Variants in KCNT2 observed in about 807,000 individuals in gnomAD.
The protein encoded by KCNT2 is potassium sodium-activated channel subfamily T member 2.
In KCNT2, 67 loss-of-function variants were observed where a neutral mutation model predicts 153.8. The observed-to-expected ratio is 0.44, with a 90% CI of 0.36 to 0.53. The LOEUF (loss-of-function observed/expected upper bound fraction) is 0.53, where lower values mean the gene tolerates loss of function less well. Ranked by LOEUF, KCNT2 falls within the 20% of genes least tolerant of loss-of-function variation. KCNT2 has a pLI of 0.00. For synonymous variants in KCNT2, 500 were observed against 458.8 expected (o/e 1.09, Z -1.15); for missense variants, 975 against 1,354.8 (o/e 0.72, Z 4.40).
intron 14 of KCNT2, among the ~76,000 whole-genome samples, chr1:196,345,622 C>T (rs1666076291): frequency 6.6e-6 from 1 of 152,092 alleles, no homozygotes; most frequent in South Asian, 2.1e-4. Context: ...TATAAAATCC[C>T]TCTGGTCATT....
At chr1:196,381,709 A>T (rs889087457) in intron 13 of KCNT2, among the ~76,000 whole-genome samples, 2 of 152,186 alleles carry the variant, frequency 1.3e-5, no homozygotes, top group African/African-American at 4.8e-5. Flanking sequence ...AAAGATGACC[A>T]CTTGCTACCA....
intron 26 of KCNT2, among the ~76,000 whole-genome samples, chr1:196,245,211 C>T (rs565890063): frequency 6.6e-6 from 1 of 152,088 alleles, no homozygotes; most frequent in Admixed American, 6.6e-5. Flanking sequence ...AAGTCTCAGG[C>T]AGGTTGTGGT....
intron 1 of KCNT2, among the ~76,000 whole-genome samples, chr1:196,524,696 C>T (rs561037221): frequency 2.0e-4 from 31 of 151,980 alleles, no homozygotes; most frequent in African/African-American, 6.8e-4. Context: ...TCCTATATCC[C>T]GGATATCATT....
chr1:196,557,249 C>T (rs918806462), intron 1 of KCNT2, among the ~76,000 whole-genome samples: 2 of 150,920 alleles, frequency 1.3e-5, no homozygotes, highest in Non-Finnish European at 3.0e-5. Flanking sequence ...CTCATATACC[C>T]CTGAAATATA....
At chr1:196,552,132 A>G (rs982588373) in intron 1 of KCNT2, among the ~76,000 whole-genome samples, 3 of 151,454 alleles carry the variant, frequency 2.0e-5, no homozygotes, top group Non-Finnish European at 3.0e-5. Context: ...TTTTCTTGAA[A>G]CTAACTAAAA....
intron 1 of KCNT2, among the ~76,000 whole-genome samples, chr1:196,570,583 C>T (rs1201042132): frequency 6.6e-6 from 1 of 151,884 alleles, no homozygotes; most frequent in Non-Finnish European, 1.5e-5. Flanking sequence ...ATTCTCTAAA[C>T]AAGAAATACT....
Position 196,319,480 on chromosome 1 carries a change from C to T in KCNT2, c.2348+4G>A. The T allele has an allele frequency of 3.1e-6, 5 of 1,607,258 alleles. No individual in the cohort carries two copies. The highest frequency in any genetic ancestry group is 4.3e-6 in the Non-Finnish European group (5 of 1,175,058). On this transcript the variant is annotated splice_donor_region_variant and intron_variant, in intron 20 of 27. Transcript: ENST00000294725. Reference sequence around the variant, plus strand: ...GTTAGTGTGCCAAAGATTTTGTCACCTACTTGTCAATAGAGCCCACCATGT... The same window carrying T: ...GTTAGTGTGCCAAAGATTTTGTCACTTACTTGTCAATAGAGCCCACCATGT...
At chr1:196,542,249 A>G (rs908298472) in intron 1 of KCNT2, among the ~76,000 whole-genome samples, 1 of 152,176 alleles carries the variant, frequency 6.6e-6, no homozygotes, top group African/African-American at 2.4e-5. Context: ...GAATTTGTTA[A>G]TTACTTTTTA....
At chr1:196,241,999 C>A (rs1215433393) in intron 26 of KCNT2, among the ~76,000 whole-genome samples, 2 of 152,048 alleles carry the variant, frequency 1.3e-5, no homozygotes, top group East Asian at 3.9e-4. Context: ...TATATGATTT[C>A]TTCAATGGTG....
chr1:196,375,508 C>G (rs2148342921), intron 13 of KCNT2, among the ~76,000 whole-genome samples: 1 of 151,766 alleles, frequency 6.6e-6, no homozygotes, highest in African/African-American at 2.4e-5. Context: ...TGATATGTAT[C>G]AGTCAAAACC....
chr1:196,251,493 G>C (rs574694855), intron 26 of KCNT2, among the ~76,000 whole-genome samples: 3 of 152,096 alleles, frequency 2.0e-5, no homozygotes, highest in Admixed American at 6.6e-5. Context: ...GGTGAAATAA[G>C]CCAGGAACAG....
chr1:196,490,078 T>C lies in KCNT2; in HGVS notation c.176-141A>G, dbSNP rs1679743272. On this transcript the variant is annotated intron_variant, in intron 2 of 27. Transcript: ENST00000294725. ...CACTACTATAATTGTCTAAACTCTC[T>C]GAAGTTCTTGGTGGCTGAATTTTAA... The C allele has an allele frequency of 1.2e-5, 5 of 420,256 alleles. No individual in the cohort carries two copies. In the Admixed American group the frequency reaches 2.2e-4, roughly 18 times the overall value. The allele number at this position is 420,256 out of a possible 1,614,324, so 26.0% of individuals were successfully genotyped here. A position where few individuals can be genotyped will look rare whatever the true frequency, so the allele number is the denominator to read the frequency against.
intron 1 of KCNT2, among the ~76,000 whole-genome samples, chr1:196,586,412 T>A (rs576956562): frequency 6.6e-6 from 1 of 152,312 alleles, no homozygotes; most frequent in African/African-American, 2.4e-5. Context: ...GTTTTAAAAC[T>A]ATCAGTAATA....
chr1:196,325,440 T>G (rs1456051647), intron 19 of KCNT2, among the ~76,000 whole-genome samples: 1 of 152,118 alleles, frequency 6.6e-6, no homozygotes, highest in Non-Finnish European at 1.5e-5. Flanking sequence ...CTGACACATT[T>G]GAACTCACAC....
Position 196,375,441 on chromosome 1 carries a change from A to G in KCNT2, c.1295-2193T>C, listed in dbSNP as rs566830124. Among the ~76,000 whole-genome samples, 157 of 151,940 alleles carry G rather than the reference A, an allele frequency of 1.0e-3. 1 individual carries two copies. Among genetic ancestry groups the G allele is most frequent in the Middle Eastern group, 3.4e-3 (1 of 294 alleles). ...ATGCAACTGCGGTGTAAATTAAGAG[A>G]AATTTTACTTTATTATGTTTAGCAT... On this transcript the variant is annotated intron_variant, in intron 13 of 27. Coordinates refer to ENST00000294725, the MANE Select transcript of KCNT2 (RefSeq NM_198503.5).
chr1:196,501,556 A>C (rs1049654077), intron 1 of KCNT2, among the ~76,000 whole-genome samples: 1 of 152,210 alleles, frequency 6.6e-6, no homozygotes, highest in African/African-American at 2.4e-5. Flanking sequence ...ACACATGGAC[A>C]TACAGAATGA....
intron 22 of KCNT2, among the ~76,000 whole-genome samples, chr1:196,288,147 AT>A (rs1240257115): frequency 2.0e-5 from 3 of 151,938 alleles, no homozygotes; most frequent in East Asian, 3.9e-4. Context: ...TAAATAAAAA[AT>A]AAAAAAATAA....
At position 196,515,368 on chromosome 1, in the gene KCNT2, A is replaced by AC. The variant is rs1479117916; in HGVS notation, c.96-23028_96-23027insG. ...CATTGCACTATATAAAATAGATGAT[A>AC]AACTGTGAAGACTATTAATAGCATG... is the stretch of plus-strand genomic sequence containing the variant. On this transcript the variant is annotated intron_variant, in intron 1 of 27. Coordinates refer to ENST00000294725, the MANE Select transcript of KCNT2 (RefSeq NM_198503.5). Among the ~76,000 whole-genome samples, 7 of 152,362 alleles carry AC rather than the reference A, an allele frequency of 4.6e-5. No individual in the cohort carries two copies. The South Asian group carries it at 8.3e-4, about 18-fold the overall frequency.
At chr1:196,503,042 T>A (rs1353632470) in intron 1 of KCNT2, among the ~76,000 whole-genome samples, 4 of 151,928 alleles carry the variant, frequency 2.6e-5, no homozygotes, top group Non-Finnish European at 5.9e-5. Flanking sequence ...GAATAAAGCG[T>A]TTATTCATTT....
Sources: gnomAD v4.1 joint callset for allele counts (sites outside exome capture counted in the v4.1 genomes callset) on GRCh38, gnomAD v4.1.1 for gene constraint, MANE v1.5 for transcripts, NCBI Gene and HGNC (gene_info 2026-07-23, HGNC 2026-07-21) for gene names.